Variants in COL4A3 observed in about 807,000 individuals in gnomAD.
COL4A3 encodes collagen type IV alpha 3 chain.
In COL4A3, 135 loss-of-function variants were observed where a neutral mutation model predicts 217.4. The observed-to-expected ratio is 0.62, with a 90% CI of 0.54 to 0.72. COL4A3 has a LOEUF of 0.72. Ranked by LOEUF, COL4A3 falls within the 30% of genes least tolerant of loss-of-function variation. The pLI is 0.00. For synonymous variants in COL4A3, 690 were observed against 736.3 expected (o/e 0.94, Z 1.02); for missense variants, 1,868 against 2,119.9 (o/e 0.88, Z 2.33).
chr2:227,166,025 G>T (rs994843140), intron 1 of COL4A3, among the ~76,000 whole-genome samples: 1 of 152,314 alleles, frequency 6.6e-6, no homozygotes, highest in African/African-American at 2.4e-5. Context: ...TAACATAAAT[G>T]ATACTGTGCT....
chr2:227,242,639 G>A (rs542170031), intron 3 of COL4A3, among the ~76,000 whole-genome samples: 282 of 152,060 alleles, frequency 1.9e-3, no homozygotes, highest in Non-Finnish European at 3.4e-3. Context: ...TATCACCCAG[G>A]ATATTCCAAG....
At chr2:227,265,157 T>C (rs927134169) in intron 21 of COL4A3, 10 of 152,234 alleles carry the variant, frequency 6.6e-5, no homozygotes, top group African/African-American at 2.4e-4. Flanking sequence ...TCAGATATTT[T>C]TTGAATTAAG....
chr2:227,266,687 C>T (rs1040879863), intron 22 of COL4A3, among the ~76,000 whole-genome samples, 178 bp downstream of exon 22: 4 of 152,044 alleles, frequency 2.6e-5, no homozygotes, highest in African/African-American at 7.3e-5. Context: ...GGCACCCATG[C>T]AATAAATTGT....
rs566045388 is a variant in COL4A3 at position 227,251,325 on chromosome 2, G to A, written c.610-11G>A. The A allele has an allele frequency of 5.6e-5, 91 of 1,613,102 alleles. No individual in the cohort carries two copies. The South Asian group carries it at 9.6e-4, about 17-fold the overall frequency. On this transcript the variant is annotated splice_polypyrimidine_tract_variant and intron_variant, in intron 10 of 51. Transcript: ENST00000396578. ...TTTCCTGCTGTGATTTTCATTTGTG[G>A]ATTTTTCTAGGGCTTTCCAGGAGCC...
Position 227,244,347 on chromosome 2 carries a change from G to T in COL4A3, c.262G>T (p.Gly88Cys), listed in dbSNP as rs1361337681. ...CTTTCCAGGACTTCCAGGACTCACGGGTTCCAAAGGTGTAAGGGTTAGTAG... is the reference window on the plus strand; with the variant it reads ...CTTTCCAGGACTTCCAGGACTCACGTGTTCCAAAGGTGTAAGGGTTAGTAG... ...KGFPGLPGLT[G>C]SKGVRGISGL... Residue 88 changes from glycine to cysteine, a missense_variant, in exon 4 of 52, where the codon GGT becomes TGT. Gly to Cys is a radical substitution (Grantham distance 159, BLOSUM62 -3). Transcript: ENST00000396578. The T allele has an allele frequency of 6.2e-7, 1 of 1,613,776 alleles. No homozygotes were observed. Among genetic ancestry groups the T allele is most frequent in the Non-Finnish European group, 8.5e-7 (1 of 1,179,890 alleles).
At chr2:227,299,299 G>A (rs1301420034) in intron 43 of COL4A3, among the ~76,000 whole-genome samples, 1 of 152,216 alleles carries the variant, frequency 6.6e-6, no homozygotes, top group Non-Finnish European at 1.5e-5. Context: ...GGAGGCTGAG[G>A]CAGGAGAATG....
intron 25 of COL4A3, among the ~76,000 whole-genome samples, chr2:227,272,472 A>C (rs2071300172): frequency 6.6e-6 from 1 of 152,246 alleles, no homozygotes; most frequent in Non-Finnish European, 1.5e-5. Context: ...AATCATTTTC[A>C]AGGTTATAGC....
Position 227,303,082 on chromosome 2 carries a change from T to C in COL4A3, c.3927T>C (p.Pro1309=). Residue 1309 remains proline (P), a synonymous_variant, in exon 44 of 52, where the codon CCT becomes CCC. Transcript: ENST00000396578. The part of the protein sequence containing the change: ...TPGLPGPRGD[P]GFQGFPGVKG... Reference sequence around the variant, plus strand: ...GTCTTCCAGGACCCAGAGGTGATCCTGGATTCCAGGGGTTTCCAGGCGTGA... The same window carrying C: ...GTCTTCCAGGACCCAGAGGTGATCCCGGATTCCAGGGGTTTCCAGGCGTGA... 1 of 1,614,124 alleles carries C rather than the reference T, an allele frequency of 6.2e-7. No individual in the cohort carries two copies. Among genetic ancestry groups the C allele is most frequent in the Non-Finnish European group, 8.5e-7 (1 of 1,179,980 alleles).
At chr2:227,260,699 C>A (rs1559876195) in intron 19 of COL4A3, among the ~76,000 whole-genome samples, 1 of 152,148 alleles carries the variant, frequency 6.6e-6, no homozygotes, top group African/African-American at 2.4e-5. Context: ...GGAATTATAA[C>A]CCCCAGAATA....
intron 6 of COL4A3, 50 bp from the exon 7 acceptor site, chr2:227,246,634 AG>A (rs774781634): frequency 7.0e-7 from 1 of 1,428,054 alleles, no homozygotes; most frequent in South Asian, 1.2e-5. Flanking sequence ...ATATCTGAAT[AG>A]GCTCTTCTAG....
Position 227,284,336 on chromosome 2 carries a change from G to A in COL4A3, c.2872G>A (p.Gly958Ser). ...SHVIGDKGEP[G>S]LKGFAGNPGE... ...CGTAATAGGGGACAAAGGAGAACCA[G>A]GTCTCAAAGGTAAAGAATTGCTTGT... The change falls in exon 34 of 52, where the codon GGT (glycine) becomes AGT (serine). Residue 958 changes from glycine (G) to serine (S), a missense_variant. Gly to Ser is a moderately conservative substitution (Grantham distance 56). This residue lies in a region of COL4A3 where 1,503 missense variants were observed against 1,786.1 expected (regional missense o/e 0.84). Transcript: ENST00000396578. The A allele has an allele frequency of 6.2e-7, 1 of 1,613,634 alleles. No homozygotes were observed. The highest frequency in any genetic ancestry group is 8.5e-7 in the Non-Finnish European group (1 of 1,179,862).
intron 37 of COL4A3, 51 bp downstream of exon 37, chr2:227,290,937 GA>G (rs753031908): frequency 6.3e-7 from 1 of 1,575,044 alleles, no homozygotes; most frequent in East Asian, 2.3e-5. Flanking sequence ...TGAGTGCCTT[GA>G]AAAATATCAA....
chr2:227,235,437 C>T (rs574656537), intron 1 of COL4A3, among the ~76,000 whole-genome samples: 3 of 152,036 alleles, frequency 2.0e-5, no homozygotes, highest in Admixed American at 6.6e-5. Context: ...CCTTCTCAGT[C>T]GGTTACTTTC....
rs2072039518 is a variant in COL4A3, at chr2:227,282,375, T to A, written c.2499T>A (p.Gly833=). The A allele has an allele frequency of 1.2e-6, 2 of 1,611,210 alleles. No homozygotes were observed. Among genetic ancestry groups the A allele is most frequent in the Non-Finnish European group, 1.7e-6 (2 of 1,179,290 alleles). ...TTTATTCGTACACAGGCAGAAGAGG[T>A]AAAACGGGGCCAAAGGGAGACCCAG... ...NGLKGQQGRR[G]KTGPKGDPGI... Residue 833 remains glycine (G), a synonymous_variant, in exon 32 of 52, where the codon GGT becomes GGA. Coordinates refer to ENST00000396578, the MANE Select transcript of COL4A3 (RefSeq NM_000091.5). The surrounding 1 kb of genome is among the most constrained non-coding windows in gnomAD (Gnocchi z 4.4).
rs2069241329 is a variant in COL4A3 at position 227,244,965 on chromosome 2, G to C, written c.294G>C (p.Leu98Phe). The C allele has an allele frequency of 1.2e-6, 2 of 1,609,686 alleles. No homozygotes were observed. The highest frequency in any genetic ancestry group is 2.7e-5 in the African/African-American group (2 of 74,554). ...TATGTCTTCAGGGAATAAGTGGATT[G>C]CCAGGATTTTCTGGTTCTCCTGGAC... is the stretch of plus-strand genomic sequence containing the variant. ...GSKGVRGISG[L>F]PGFSGSPGLP... The change falls in exon 5 of 52, where the codon TTG (leucine) becomes TTC (phenylalanine). Residue 98 changes from leucine (L) to phenylalanine (F), a missense_variant. By Grantham distance (22) the Leu-to-Phe change is conservative. This residue lies in a region of COL4A3 where 365 missense variants were observed against 333.8 expected (regional missense o/e 1.09). Transcript: ENST00000396578.
intron 50 of COL4A3, 114 bp downstream of exon 50, chr2:227,309,432 C>G: frequency 1.3e-6 from 1 of 789,350 alleles, no homozygotes; most frequent in South Asian, 1.5e-5. Flanking sequence ...GTGTGTGCAA[C>G]ATGCCATAGA....
chr2:227,229,218 T>C (rs766766211), intron 1 of COL4A3, among the ~76,000 whole-genome samples: 1 of 152,056 alleles, frequency 6.6e-6, no homozygotes, highest in East Asian at 1.9e-4. Context: ...TGATCCGCAC[T>C]CCTGGAAGGC....
Position 227,280,768 on chromosome 2 carries a change from T to C in COL4A3, c.2375-125T>C, listed in dbSNP as rs2071906609. On this transcript the variant is annotated intron_variant, in intron 30 of 51. Transcript: ENST00000396578. The stretch of plus-strand genomic sequence containing the variant: ...TAATGAGTGCCCTCTAGAAAAGGCA[T>C]ATTAATGGCAGTAAATATAGATCTG... 4.0e-6 allele frequency: 4 copies of C among 1,009,220 alleles called. No homozygotes were observed. In the Admixed American group the frequency reaches 7.9e-5, roughly 20 times the overall value. The allele number at this position is 1,009,220 out of a possible 1,614,324, so 62.5% of individuals were successfully genotyped here.
chr2:227,242,023 C>T (rs917099560), intron 3 of COL4A3, among the ~76,000 whole-genome samples: 3 of 152,182 alleles, frequency 2.0e-5, no homozygotes, highest in Admixed American at 6.5e-5. Context: ...AATTCTCCAA[C>T]TCTCTGGATG....
Sources: allele counts gnomAD v4.1 joint callset (sites outside exome capture counted in the v4.1 genomes callset), GRCh38; gene constraint gnomAD v4.1.1; regional missense constraint gnomAD v4.1.1; non-coding constraint Gnocchi (gnomAD v3.1); transcripts MANE v1.5; gene names NCBI Gene and HGNC (gene_info 2026-07-23, HGNC 2026-07-21).